The following IGSF21 variants were observed in gnomAD, a reference collection of about 807,000 sequenced individuals.
IGSF21 encodes the protein immunoglobin superfamily member 21.
IGSF21 carries 28 observed loss-of-function variants against 46.8 expected under a neutral mutation model. The observed-to-expected ratio is 0.60, with a 90% CI of 0.44 to 0.82. IGSF21 has a LOEUF of 0.82. Among genes scored for constraint, IGSF21 ranks in the 40% least tolerant of loss-of-function variants. The probability of loss-of-function intolerance (pLI) is 0.00; values close to 1 mark genes in which losing one functional copy is unlikely to be tolerated. For missense variants in IGSF21, 624 were observed against 665.5 expected, an observed-to-expected ratio of 0.94 and a Z score of 0.69; for synonymous variants, 284 against 273.6, an observed-to-expected ratio of 1.04 and a Z score of -0.38.
At chr1:18,119,902 A>G (rs748842738) in intron 1 of IGSF21, among the ~76,000 whole-genome samples, 9 of 152,218 alleles carry the variant, frequency 5.9e-5, no homozygotes, top group Non-Finnish European at 1.0e-4. Context: ...GAGTCAAGTT[A>G]AAAATGTTAA....
chr1:18,134,740 C>T (rs1241563088), intron 1 of IGSF21, among the ~76,000 whole-genome samples: 1 of 152,198 alleles, frequency 6.6e-6, no homozygotes, highest in Admixed American at 6.5e-5. Context: ...AACCCCAGCA[C>T]CCAAGCCCAG....
At chr1:18,192,718 A>G (rs2086970070) in intron 1 of IGSF21, among the ~76,000 whole-genome samples, 1 of 152,176 alleles carries the variant, frequency 6.6e-6, no homozygotes, top group African/African-American at 2.4e-5. Context: ...GCAATGAATT[A>G]TCTTGGTGGA....
chr1:18,257,637 G>A (rs1392708668), intron 2 of IGSF21, among the ~76,000 whole-genome samples: 1 of 152,114 alleles, frequency 6.6e-6, no homozygotes. Flanking sequence ...CCACTGTGTG[G>A]CAAAGGCACC....
intron 2 of IGSF21, among the ~76,000 whole-genome samples, chr1:18,264,385 C>T (rs1238286118): frequency 6.6e-6 from 1 of 152,172 alleles, no homozygotes; most frequent in Non-Finnish European, 1.5e-5. Context: ...GTGCCCAACT[C>T]ATGTTTATTG....
At chr1:18,353,729 G>T (rs1229469344) in intron 4 of IGSF21, among the ~76,000 whole-genome samples, 1 of 152,212 alleles carries the variant, frequency 6.6e-6, no homozygotes, top group Non-Finnish European at 1.5e-5. Flanking sequence ...CACATGCAAA[G>T]GCCCTGTGGC....
At chr1:18,185,547 G>A (rs2086895709) in intron 1 of IGSF21, among the ~76,000 whole-genome samples, 1 of 152,176 alleles carries the variant, frequency 6.6e-6, no homozygotes, top group Non-Finnish European at 1.5e-5. Flanking sequence ...TAGACAGCTG[G>A]GGTATTGTTA....
intron 1 of IGSF21, among the ~76,000 whole-genome samples, chr1:18,141,138 A>T (rs2086412175): frequency 6.6e-6 from 1 of 152,188 alleles, no homozygotes; most frequent in South Asian, 2.1e-4. Context: ...AGTGGAACTG[A>T]AGGCTGGGCA....
rs201284891 is a variant in IGSF21 at position 18,376,837 on chromosome 1, G to T, written c.1139G>T (p.Arg380Leu). 6.2e-7 allele frequency: 1 copy of T among 1,605,730 alleles called. No individual in the cohort carries two copies. The highest frequency in any genetic ancestry group is 8.5e-7 in the Non-Finnish European group (1 of 1,173,470). ...CCGGAGCCCATGTTCACGTGGACGCGGGTTGGGAGCCGCCTCCTGGACGGC... is the reference window on the plus strand; with the variant it reads ...CCGGAGCCCATGTTCACGTGGACGCTGGTTGGGAGCCGCCTCCTGGACGGC... ...VFPEPMFTWTRVGSRLLDGSA... is the reference protein window; with the variant it reads ...VFPEPMFTWTLVGSRLLDGSA... The change falls in exon 8 of 10, where the codon CGG becomes CTG. Residue 380 changes from arginine to leucine, a missense_variant. By Grantham distance (102) the Arg-to-Leu change is moderately radical (BLOSUM62 -2). Coordinates refer to ENST00000251296, the MANE Select transcript of IGSF21 (RefSeq NM_032880.5).
rs199625143 is a variant in IGSF21, at chr1:18,362,245, A to G, written c.540+15A>G. The stretch of plus-strand genomic sequence containing the variant: ...CAGCACCCATGGTGAGTACCCCTGG[A>G]GTGCCCAGCTCCTTCCTATCTGCCG... On this transcript the variant is annotated intron_variant, in intron 5 of 9. Coordinates refer to ENST00000251296, the MANE Select transcript of IGSF21 (RefSeq NM_032880.5). The G allele has an allele frequency of 9.0e-5, 142 of 1,571,238 alleles. No homozygotes were observed. In the East Asian group the frequency reaches 2.3e-3, roughly 26 times the overall value.
chr1:18,350,531 T>C (rs565285844), intron 4 of IGSF21, among the ~76,000 whole-genome samples: 4 of 152,332 alleles, frequency 2.6e-5, no homozygotes, highest in African/African-American at 9.6e-5. Context: ...CGCAGTTCAA[T>C]GTTCATTGCA....
chr1:18,167,341 G>A (rs1461527103), intron 1 of IGSF21, among the ~76,000 whole-genome samples: 2 of 152,196 alleles, frequency 1.3e-5, no homozygotes, highest in African/African-American at 2.4e-5. Flanking sequence ...CTGCAAGGTA[G>A]ATATGACCGG....
At chr1:18,226,491 G>T (rs1289118821) in intron 1 of IGSF21, among the ~76,000 whole-genome samples, 1 of 152,022 alleles carries the variant, frequency 6.6e-6, no homozygotes, top group Admixed American at 6.6e-5. Flanking sequence ...AGACCAAGTG[G>T]GCTCCAGGGC....
Position 18,109,582 on chromosome 1 carries a change from T to C in IGSF21, c.70+1384T>C, listed in dbSNP as rs2086123589. ...CCTTGGGGAGTGCTGGGTCTGCTGA[T>C]GGGAGAAGCTGCAGAATTTGAGCCC... On this transcript the variant is annotated intron_variant, in intron 1 of 9. Transcript: ENST00000251296. The surrounding 1 kb of genome is among the most constrained non-coding windows in gnomAD (Gnocchi z 4.8). The C allele has an allele frequency of 6.6e-6, 1 of 152,190 alleles. No homozygotes were observed. The highest frequency in any genetic ancestry group is 1.5e-5 in the Non-Finnish European group (1 of 68,168). The allele number at this position is 152,190 out of a possible 1,614,324, so 9.4% of individuals were successfully genotyped here.
At chr1:18,303,311 G>T (rs2085379125) in intron 3 of IGSF21, among the ~76,000 whole-genome samples, 1 of 151,618 alleles carries the variant, frequency 6.6e-6, no homozygotes, top group South Asian at 2.1e-4. Context: ...CTATTTAGGG[G>T]GCTCAGGTGC....
intron 5 of IGSF21, 137 bp downstream of exon 5, chr1:18,362,367 G>A (rs1026787559): frequency 1.5e-6 from 1 of 646,032 alleles, no homozygotes; most frequent in African/African-American, 1.8e-5. Flanking sequence ...CATCTGCCTT[G>A]GTCTGATCCC....
intron 2 of IGSF21, among the ~76,000 whole-genome samples, chr1:18,276,905 G>A (rs1000383228): frequency 6.6e-6 from 1 of 152,152 alleles, no homozygotes; most frequent in Admixed American, 6.5e-5. Flanking sequence ...CACACACAAG[G>A]ACACTCATAC....
At chr1:18,273,415 TTTTCCTTTCC>T (rs71018068) in intron 2 of IGSF21, among the ~76,000 whole-genome samples, 2 of 84,962 alleles carry the variant, frequency 2.4e-5, no homozygotes, top group African/African-American at 9.1e-5. Context: ...CTTTCCTTTC[TTTTCCTTTCC>T]TTTCCTTTCT....
At chr1:18,196,502 G>A (rs955109481) in intron 1 of IGSF21, among the ~76,000 whole-genome samples, 8 of 152,192 alleles carry the variant, frequency 5.3e-5, no homozygotes, top group Admixed American at 3.9e-4. Flanking sequence ...AGAGCCCAGG[G>A]TCTGTCCTCA....
chr1:18,250,094 C>CCTCA (rs1557606923), intron 2 of IGSF21, among the ~76,000 whole-genome samples: 6 of 93,010 alleles, frequency 6.5e-5, no homozygotes, highest in African/African-American at 1.9e-4. Flanking sequence ...CCACTCCCTC[C>CCTCA]CTCGCTCCCT....
Sources: gnomAD v4.1 joint callset for allele counts (sites outside exome capture counted in the v4.1 genomes callset) on GRCh38, gnomAD v4.1.1 for gene constraint, Gnocchi (gnomAD v3.1) non-coding constraint, MANE v1.5 for transcripts, NCBI Gene and HGNC (gene_info 2026-07-23, HGNC 2026-07-21) for gene names.